PRUNE2: variants seen among roughly 807,000 people sequenced by gnomAD.
PRUNE2 encodes the protein protein prune homolog 2.
PRUNE2 carries 164 observed loss-of-function variants against 252.0 expected under a neutral mutation model. That is an observed-to-expected ratio of 0.65 (90% CI 0.57 to 0.74). The LOEUF (loss-of-function observed/expected upper bound fraction) is 0.74. Ranked by LOEUF, PRUNE2 falls within the 30% of genes least tolerant of loss-of-function variation. The probability of loss-of-function intolerance (pLI) is 0.00; values close to 1 mark genes in which losing one functional copy is unlikely to be tolerated. For missense variants in PRUNE2, 3,495 were observed against 3,711.0 expected (o/e 0.94, Z 1.51); for synonymous variants, 1,292 against 1,350.2 (o/e 0.96, Z 0.94).
At chr9:76,812,777 T>A (rs2057443415) in intron 6 of PRUNE2, among the ~76,000 whole-genome samples, 1 of 152,162 alleles carries the variant, frequency 6.6e-6, no homozygotes, top group Admixed American at 6.5e-5. Flanking sequence ...TGCACATGTG[T>A]CTCTGCACAG....
intron 6 of PRUNE2, among the ~76,000 whole-genome samples, chr9:76,723,383 C>G (rs891512050): frequency 1.3e-5 from 2 of 152,144 alleles, no homozygotes; most frequent in Non-Finnish European, 2.9e-5. Context: ...ATGTACAAAT[C>G]TTATTATCTA....
At chr9:76,720,883 G>A (rs551711722) in intron 6 of PRUNE2, among the ~76,000 whole-genome samples, 2 of 152,274 alleles carry the variant, frequency 1.3e-5, no homozygotes, top group South Asian at 4.2e-4. Context: ...GGAGGCTGAG[G>A]CGGGCGGATC....
chr9:76,665,369 A>G, intron 9 of PRUNE2, among the ~76,000 whole-genome samples: 1 of 151,966 alleles, frequency 6.6e-6, no homozygotes, highest in Non-Finnish European at 1.5e-5. Flanking sequence ...CCTCACCTCC[A>G]CCCCACAGAG....
chr9:76,819,923 G>A (rs183251017), intron 6 of PRUNE2, among the ~76,000 whole-genome samples: 527 of 152,228 alleles, frequency 3.5e-3, no homozygotes, highest in Non-Finnish European at 5.5e-3. Context: ...TGCTGGCAAG[G>A]GAATAAAGGC....
chr9:76,825,232 A>G (rs1035145485), intron 5 of PRUNE2, among the ~76,000 whole-genome samples: 1 of 152,170 alleles, frequency 6.6e-6, no homozygotes. Context: ...GTGTTTGTCA[A>G]TTTCAGGGAT....
chr9:76,743,022 T>C (rs1277245852), intron 6 of PRUNE2, among the ~76,000 whole-genome samples: 1 of 152,212 alleles, frequency 6.6e-6, no homozygotes, highest in Non-Finnish European at 1.5e-5. Context: ...CATGCTGTTC[T>C]TGTGATAGTG....
At chr9:76,630,311 A>G (rs1324488535) in intron 15 of PRUNE2, among the ~76,000 whole-genome samples, 1 of 151,812 alleles carries the variant, frequency 6.6e-6, no homozygotes, top group Non-Finnish European at 1.5e-5. Flanking sequence ...TGGATGAACC[A>G]ACATTCAAAA....
intron 4 of PRUNE2, among the ~76,000 whole-genome samples, chr9:76,829,120 T>C (rs900751854): frequency 8.6e-5 from 13 of 151,984 alleles, no homozygotes; most frequent in Admixed American, 5.9e-4. Context: ...CTGCTTGTAC[T>C]AAGAACAAGG....
chr9:76,843,674 T>C (rs1030169920), intron 4 of PRUNE2, among the ~76,000 whole-genome samples: 6 of 151,484 alleles, frequency 4.0e-5, no homozygotes, highest in African/African-American at 1.5e-4. Context: ...TGGAAAACCA[T>C]AAATTCTAAG....
intron 4 of PRUNE2, among the ~76,000 whole-genome samples, chr9:76,845,786 G>A (rs2059639616): frequency 6.6e-6 from 1 of 152,156 alleles, no homozygotes; most frequent in Non-Finnish European, 1.5e-5. Context: ...GTGCGGGGAG[G>A]GAAATGCTTT....
intron 17 of PRUNE2, among the ~76,000 whole-genome samples, chr9:76,622,566 A>G (rs1412953326): frequency 6.6e-6 from 1 of 152,200 alleles, no homozygotes; most frequent in African/African-American, 2.4e-5. Flanking sequence ...TCCTGAAAAA[A>G]TAAATCTGAA....
chr9:76,863,137 A>G (rs2060645747), intron 1 of PRUNE2: 1 of 152,204 alleles, frequency 6.6e-6, no homozygotes, highest in Admixed American at 6.5e-5. Flanking sequence ...AACTGCAGTG[A>G]ATACTTCAGA....
chr9:76,655,318 A>G (rs994916810), intron 10 of PRUNE2, 105 bp downstream of exon 10: 5 of 853,378 alleles, frequency 5.9e-6, no homozygotes, highest in Non-Finnish European at 9.7e-6. Flanking sequence ...CACTGTTATC[A>G]CTGAAATCAT....
intron 6 of PRUNE2, among the ~76,000 whole-genome samples, chr9:76,815,488 TCCCCG>T (rs2057630028): frequency 1.3e-5 from 2 of 151,950 alleles, no homozygotes; most frequent in South Asian, 4.2e-4. Flanking sequence ...GACAAACATG[TCCCCG>T]CAAGCCGTTT....
chr9:76,733,555 C>T (rs1006626408), intron 6 of PRUNE2: 2 of 151,574 alleles, frequency 1.3e-5, no homozygotes, highest in African/African-American at 4.9e-5. Context: ...ACTACAGGCA[C>T]GCCTGGCTAA....
At chr9:76,865,675 A>C (rs1350304469) in intron 1 of PRUNE2, among the ~76,000 whole-genome samples, 1 of 152,216 alleles carries the variant, frequency 6.6e-6, no homozygotes, top group Non-Finnish European at 1.5e-5. Flanking sequence ...CTTATGAAAT[A>C]ACAGTATCAT....
intron 13 of PRUNE2, 109 bp from the exon 14 acceptor site, chr9:76,637,658 T>C: frequency 1.1e-6 from 1 of 939,580 alleles, no homozygotes; most frequent in South Asian, 1.7e-5. Flanking sequence ...TGATTGTGCA[T>C]ATTACCTCTT....
chr9:76,849,686 C>T (rs570295862), intron 3 of PRUNE2, among the ~76,000 whole-genome samples: 260 of 152,014 alleles, frequency 1.7e-3, no homozygotes, highest in Middle Eastern at 3.4e-3. Flanking sequence ...ATCAGCCAGG[C>T]GTGGTGGTGA....
At chr9:76,895,148 T>C (rs569262948) in intron 1 of PRUNE2, among the ~76,000 whole-genome samples, 40 of 152,302 alleles carry the variant, frequency 2.6e-4, no homozygotes, top group African/African-American at 9.6e-4. Flanking sequence ...GGGTGGAAAC[T>C]CTTCCATAAG....
Sources: allele counts gnomAD v4.1 joint callset (sites outside exome capture counted in the v4.1 genomes callset), GRCh38; gene constraint gnomAD v4.1.1; transcripts MANE v1.5; gene names NCBI Gene and HGNC (gene_info 2026-07-23, HGNC 2026-07-21).